GABRB1: variants seen among roughly 807,000 people sequenced by gnomAD.
GABRB1 encodes gamma-aminobutyric acid receptor subunit beta-1.
A neutral mutation model predicts 51.6 loss-of-function variants in GABRB1; 17 were observed. The observed-to-expected ratio is 0.33, with a 90% CI of 0.23 to 0.49. GABRB1 has a LOEUF of 0.49. GABRB1 is among the 20% of genes least tolerant of loss of function. The probability of loss-of-function intolerance (pLI) is 0.99; values close to 1 mark genes in which losing one functional copy is unlikely to be tolerated. For missense variants in GABRB1, 410 were observed against 600.6 expected (o/e 0.68, Z 3.32); for synonymous variants, 247 against 218.9 (o/e 1.13, Z -1.14).
chr4:47,204,991 C>T (rs1031237742), intron 4 of GABRB1, among the ~76,000 whole-genome samples: 2 of 152,210 alleles, frequency 1.3e-5, no homozygotes, highest in Non-Finnish European at 2.9e-5. Flanking sequence ...AAATGACTAC[C>T]TGTTGGGGCT....
intron 4 of GABRB1, among the ~76,000 whole-genome samples, chr4:47,172,625 A>G (rs539952432): frequency 7.8e-6 from 1 of 129,006 alleles, no homozygotes; most frequent in Admixed American, 8.1e-5. Flanking sequence ...ACAAGTTTAG[A>G]TTTAACTTTT....
chr4:47,240,483 G>A (rs950254202), intron 4 of GABRB1, among the ~76,000 whole-genome samples: 1 of 152,126 alleles, frequency 6.6e-6, no homozygotes, highest in African/African-American at 2.4e-5. Context: ...TCCAATGCCA[G>A]AAAAGGGGCA....
intron 3 of GABRB1, among the ~76,000 whole-genome samples, chr4:47,098,596 C>A (rs1189854455): frequency 6.6e-6 from 1 of 152,044 alleles, no homozygotes; most frequent in Non-Finnish European, 1.5e-5. Flanking sequence ...TCCAGTGTGA[C>A]TAGATTTTTA....
At chr4:47,058,526 T>C (rs987575282) in intron 3 of GABRB1, among the ~76,000 whole-genome samples, 18 of 152,144 alleles carry the variant, frequency 1.2e-4, no homozygotes, top group African/African-American at 4.3e-4. Context: ...TGGATATCCA[T>C]GCATCCGGGC....
At chr4:47,079,113 G>A (rs1727707759) in intron 3 of GABRB1, among the ~76,000 whole-genome samples, 1 of 152,178 alleles carries the variant, frequency 6.6e-6, no homozygotes, top group African/African-American at 2.4e-5. Context: ...GTATCAGGAT[G>A]ATGCTGGCCT....
intron 3 of GABRB1, among the ~76,000 whole-genome samples, chr4:47,057,342 A>G (rs1726658141): frequency 1.3e-5 from 2 of 152,194 alleles, no homozygotes; most frequent in Non-Finnish European, 2.9e-5. Flanking sequence ...TTTTTATACA[A>G]TGTGATTCAT....
chr4:47,148,908 C>A (rs563147036), intron 3 of GABRB1, among the ~76,000 whole-genome samples: 10 of 152,072 alleles, frequency 6.6e-5, no homozygotes, highest in Admixed American at 6.6e-4. Flanking sequence ...CAGCCTTGGG[C>A]AACAGATAAA....
At chr4:47,351,583 C>T (rs1414574581) in intron 5 of GABRB1, among the ~76,000 whole-genome samples, 4 of 131,818 alleles carry the variant, frequency 3.0e-5, no homozygotes, top group Admixed American at 7.7e-5. Context: ...CAACAGTCCC[C>T]GGAGTGTGAT....
chr4:47,035,525 T>C (rs1198136859), intron 3 of GABRB1, among the ~76,000 whole-genome samples: 1 of 152,196 alleles, frequency 6.6e-6, no homozygotes, highest in Admixed American at 6.6e-5. Flanking sequence ...GTTTGTGTGA[T>C]AGCAACTACA....
At chr4:46,995,796 A>G (rs1260678616) in intron 1 of GABRB1, among the ~76,000 whole-genome samples, 1 of 152,234 alleles carries the variant, frequency 6.6e-6, no homozygotes, top group Non-Finnish European at 1.5e-5. Context: ...GGAAACAGTT[A>G]CATATCGTAT....
intron 5 of GABRB1, among the ~76,000 whole-genome samples, chr4:47,345,771 C>T (rs910240007): frequency 2.6e-5 from 4 of 152,034 alleles, no homozygotes; most frequent in Admixed American, 6.5e-5. Context: ...TGGTTATAGT[C>T]GAAATACAGG....
intron 3 of GABRB1, among the ~76,000 whole-genome samples, chr4:47,138,852 T>A (rs1315125326): frequency 6.6e-6 from 1 of 152,086 alleles, no homozygotes; most frequent in African/African-American, 2.4e-5. Context: ...GGGTAAATTT[T>A]CTAATACATT....
intron 5 of GABRB1, among the ~76,000 whole-genome samples, chr4:47,323,342 G>C (rs952538390): frequency 3.3e-5 from 5 of 152,146 alleles, no homozygotes; most frequent in Non-Finnish European, 5.9e-5. Flanking sequence ...TAAATGTTAA[G>C]AATAATAATT....
At chr4:47,252,329 C>G (rs1160348905) in intron 4 of GABRB1, among the ~76,000 whole-genome samples, 1 of 152,082 alleles carries the variant, frequency 6.6e-6, no homozygotes, top group Non-Finnish European at 1.5e-5. Flanking sequence ...GAGGCTTTCC[C>G]TTACCCACTT....
intron 5 of GABRB1, among the ~76,000 whole-genome samples, chr4:47,386,834 A>T (rs919225187): frequency 1.3e-5 from 2 of 152,214 alleles, no homozygotes; most frequent in Non-Finnish European, 2.9e-5. Context: ...TAATCTATGG[A>T]AGCAGCTTGA....
At chr4:47,114,737 A>G (rs1161223357) in intron 3 of GABRB1, among the ~76,000 whole-genome samples, 4 of 152,166 alleles carry the variant, frequency 2.6e-5, no homozygotes, top group Non-Finnish European at 5.9e-5. Flanking sequence ...TGAAACTTGT[A>G]CTAGCTACAT....
intron 4 of GABRB1, among the ~76,000 whole-genome samples, chr4:47,279,731 C>T (rs1351204210): frequency 1.3e-5 from 2 of 151,888 alleles, no homozygotes; most frequent in Non-Finnish European, 2.9e-5. Context: ...AGTTTCCCTC[C>T]TCCCCCAATT....
At chr4:47,003,816 GAGGAACCTT>G (rs1724299811) in intron 1 of GABRB1, among the ~76,000 whole-genome samples, 1 of 152,176 alleles carries the variant, frequency 6.6e-6, no homozygotes, top group Non-Finnish European at 1.5e-5. Context: ...CTTCCCTTAA[GAGGAACCTT>G]AGGTCTAGGA....
chr4:47,385,613 C>T (rs1727766435), intron 5 of GABRB1, among the ~76,000 whole-genome samples: 1 of 152,214 alleles, frequency 6.6e-6, no homozygotes, highest in Non-Finnish European at 1.5e-5. Context: ...CCAACCAATT[C>T]TCCTACTCTC....
Sources: gnomAD v4.1 joint callset for allele counts (sites outside exome capture counted in the v4.1 genomes callset) on GRCh38, gnomAD v4.1.1 for gene constraint, MANE v1.5 for transcripts, NCBI Gene and HGNC (gene_info 2026-07-23, HGNC 2026-07-21) for gene names.